KLF8: variants seen among roughly 807,000 people sequenced by gnomAD.
KLF8 encodes KLF transcription factor 8, also known as Krueppel-like factor 8.
Under a neutral mutation model 18.2 loss-of-function variants are expected in KLF8, and 10 were observed. The ratio of observed to expected loss-of-function variants is 0.55; its 90% CI spans 0.34 to 0.93. The LOEUF is 0.93. Ranked by LOEUF, KLF8 falls within the 40% of genes least tolerant of loss-of-function variation. KLF8 has a pLI of 0.02. For missense variants in KLF8, 264 were observed against 277.9 expected (o/e 0.95, Z 0.36); for synonymous variants, 109 against 97.3 (o/e 1.12, Z -0.71).
At chrX:56,131,824 C>G in the KLF8 span, among the ~76,000 whole-genome samples, 1 of 111,640 alleles carries the variant, frequency 9.0e-6, no homozygotes, top group Admixed American at 9.5e-5. Context: ...AGAAAGCAAG[C>G]AGGATTAGCT....
At chrX:56,000,506 C>T in the KLF8 span, among the ~76,000 whole-genome samples, 3 of 96,528 alleles carry the variant, frequency 3.1e-5, no homozygotes, top group Admixed American at 3.6e-4. Flanking sequence ...TTTTTTATTA[C>T]TGATTCAATC....
chrX:56,036,611 G>A, the KLF8 span, among the ~76,000 whole-genome samples: 2 of 112,126 alleles, frequency 1.8e-5, no homozygotes, highest in Admixed American at 9.5e-5. Context: ...GTTCAGCAGT[G>A]TGCTTCCTGC....
At chrX:56,048,027 G>A in the KLF8 span, among the ~76,000 whole-genome samples, 1 of 112,062 alleles carries the variant, frequency 8.9e-6, no homozygotes, top group East Asian at 2.8e-4. Flanking sequence ...GTCATGATAA[G>A]CATTTTTTCA....
chrX:56,265,150 A>G, intron 2 of KLF8, 30 bp from the exon 3 acceptor site: 2 of 1,158,545 alleles, frequency 1.7e-6, no homozygotes, highest in South Asian at 4.0e-5. Flanking sequence ...ACACTGACTT[A>G]TGCATCTCTC....
chrX:56,043,072 G>A, the KLF8 span, among the ~76,000 whole-genome samples: 2 of 111,529 alleles, frequency 1.8e-5, no homozygotes, highest in Non-Finnish European at 3.8e-5. Flanking sequence ...CTTTGCTTAT[G>A]AAACTTAGTT....
At chrX:56,129,922 G>A in the KLF8 span, among the ~76,000 whole-genome samples, 1 of 109,952 alleles carries the variant, frequency 9.1e-6, no homozygotes, top group Non-Finnish European at 1.9e-5. Context: ...CTAACAACCT[G>A]CATGACATAG....
the KLF8 span, among the ~76,000 whole-genome samples, chrX:56,038,488 A>G: frequency 8.9e-6 from 1 of 112,084 alleles, no homozygotes; most frequent in Non-Finnish European, 1.9e-5. Context: ...CTTTTCCTGC[A>G]TTAGTTTGCT....
chrX:55,983,340 A>T, the KLF8 span, among the ~76,000 whole-genome samples: 29 of 111,444 alleles, frequency 2.6e-4, no homozygotes, highest in Non-Finnish European at 5.5e-4. Flanking sequence ...GCTGATTATA[A>T]AAGAACAGAA....
chrX:56,149,526 C>G, the KLF8 span, among the ~76,000 whole-genome samples: 1 of 110,823 alleles, frequency 9.0e-6, no homozygotes, highest in African/African-American at 3.3e-5. Context: ...CCCCAAACCT[C>G]AGCATCAAAC....
the KLF8 span, among the ~76,000 whole-genome samples, chrX:55,941,713 A>G: frequency 8.9e-6 from 1 of 112,276 alleles, no homozygotes; most frequent in African/African-American, 3.2e-5. Flanking sequence ...AAAGGATATG[A>G]ACAGACACTT....
the KLF8 span, among the ~76,000 whole-genome samples, chrX:56,203,499 C>T: frequency 2.7e-5 from 3 of 112,148 alleles, no homozygotes; most frequent in Admixed American, 9.5e-5. Flanking sequence ...AAATTTTTGC[C>T]GAGGCCAACG....
the KLF8 span, among the ~76,000 whole-genome samples, chrX:56,130,588 C>T: frequency 9.0e-6 from 1 of 110,905 alleles, no homozygotes; most frequent in East Asian, 2.8e-4. Context: ...ATGACAAAAC[C>T]AGGTTCTTTA....
the KLF8 span, among the ~76,000 whole-genome samples, chrX:56,196,656 T>C: frequency 3.3e-4 from 37 of 111,443 alleles, no homozygotes; most frequent in African/African-American, 1.2e-3. Flanking sequence ...TGGGAGACTT[T>C]AACACTCCAC....
At chrX:56,168,229 C>G in the KLF8 span, among the ~76,000 whole-genome samples, 2 of 111,975 alleles carry the variant, frequency 1.8e-5, no homozygotes, top group African/African-American at 6.5e-5. Flanking sequence ...ACAAAGTCAA[C>G]AAACAAGAAT....
At chrX:56,164,345 A>G in the KLF8 span, among the ~76,000 whole-genome samples, 1 of 91,296 alleles carries the variant, frequency 1.1e-5, no homozygotes, top group Non-Finnish European at 2.1e-5. Context: ...GTAACACCAA[A>G]TGTATTTAGA....
Position 56,250,234 on chromosome X carries a change from T to C in KLF8, c.11T>C (p.Met4Thr). The C allele has an allele frequency of 8.3e-7, 1 of 1,198,329 alleles. No individual in the cohort carries two copies. The highest frequency in any genetic ancestry group is 3.0e-5 in the East Asian group (1 of 33,782). ...CTTTTCCTTTTCTCTTTTCCAGATA[T>C]GGATAAACTCATAAACAACTTGGAG... Reference protein sequence around the residue: MVDMDKLINNLEVQ... With the variant: MVDTDKLINNLEVQ... The change falls in exon 2 of 6, where the codon ATG (methionine) becomes ACG (threonine). Residue 4 changes from methionine to threonine, a missense_variant. Coordinates refer to ENST00000468660, the MANE Select transcript of KLF8 (RefSeq NM_007250.5).
the KLF8 span, among the ~76,000 whole-genome samples, chrX:55,976,913 T>C: frequency 1.7e-4 from 19 of 112,197 alleles, 1 homozygote; most frequent in Admixed American, 3.8e-4. Flanking sequence ...TTAATGTCTC[T>C]TTCAGAATTT....
the KLF8 span, among the ~76,000 whole-genome samples, chrX:55,918,268 A>G: frequency 8.9e-6 from 1 of 111,916 alleles, no homozygotes; most frequent in Non-Finnish European, 1.9e-5. Context: ...GAATAAGTCA[A>G]TCAATGAGTT....
At chrX:55,990,171 T>G in the KLF8 span, among the ~76,000 whole-genome samples, 1 of 112,146 alleles carries the variant, frequency 8.9e-6, no homozygotes, top group Non-Finnish European at 1.9e-5. Flanking sequence ...GATTCATTGA[T>G]TTTTTGAAGG....
Sources: allele counts gnomAD v4.1 joint callset (sites outside exome capture counted in the v4.1 genomes callset), GRCh38; gene constraint gnomAD v4.1.1; transcripts MANE v1.5; gene names NCBI Gene and HGNC (gene_info 2026-07-23, HGNC 2026-07-21).